KHDRBS2: variants seen among roughly 807,000 people sequenced by gnomAD.
KHDRBS2 encodes the protein KH RNA binding domain containing, signal transduction associated 2, also known as KH domain-containing, RNA-binding, signal transduction-associated protein 2.
In KHDRBS2, 26 loss-of-function variants were observed where a neutral mutation model predicts 44.3. The ratio of observed to expected loss-of-function variants is 0.59; its 90% confidence interval spans 0.43 to 0.81. The LOEUF (loss-of-function observed/expected upper bound fraction) is 0.81, where lower values mean the gene tolerates loss of function less well. Ranked by LOEUF, KHDRBS2 falls within the 40% of genes least tolerant of loss-of-function variation. The probability of loss-of-function intolerance (pLI) is 0.00; values close to 1 mark genes in which losing one functional copy is unlikely to be tolerated. For missense variants in KHDRBS2, 476 were observed against 433.1 expected (o/e 1.10, Z -0.88); for synonymous variants, 194 against 151.1 (o/e 1.28, Z -2.08).
intron 2 of KHDRBS2, among the ~76,000 whole-genome samples, chr6:62,169,213 A>G (rs1393899974): frequency 6.7e-6 from 1 of 148,386 alleles, no homozygotes; most frequent in Non-Finnish European, 1.5e-5. Flanking sequence ...ATATATATGT[A>G]TATATACACA....
chr6:62,268,671 G>A lies in KHDRBS2; in HGVS notation c.91+17187C>T, dbSNP rs1272998280. ...GTCCTTTTTAATGGAAATGTTTAAC[G>A]TGTTAATAGAGGAAAAAATGTTTCC... On this transcript the variant is annotated intron_variant, in intron 1 of 8. Coordinates refer to ENST00000281156, the MANE Select transcript of KHDRBS2 (RefSeq NM_152688.4). Among the ~76,000 whole-genome samples the A allele has an allele frequency of 3.3e-5, 5 of 151,980 alleles. No individual in the cohort carries two copies. The East Asian group carries it at 7.8e-4, about 24-fold the overall frequency.
intron 2 of KHDRBS2, among the ~76,000 whole-genome samples, chr6:62,058,194 T>A (rs1330474116): frequency 6.6e-6 from 1 of 151,880 alleles, no homozygotes; most frequent in African/African-American, 2.4e-5. Context: ...GCACTGAAAC[T>A]GTATCTGCTA....
intron 4 of KHDRBS2, among the ~76,000 whole-genome samples, chr6:61,932,957 A>T (rs1810362258): frequency 2.0e-5 from 3 of 152,142 alleles, no homozygotes; most frequent in African/African-American, 7.2e-5. Context: ...TATAGATCAC[A>T]TTTTTTAACC....
At chr6:62,072,163 A>ATCTT (rs1795280970) in intron 2 of KHDRBS2, among the ~76,000 whole-genome samples, 1 of 152,150 alleles carries the variant, frequency 6.6e-6, no homozygotes, top group African/African-American at 2.4e-5. Context: ...GGTGTATAAG[A>ATCTT]GTGCTTGTGA....
chr6:61,861,027 A>G (rs1796882425), intron 6 of KHDRBS2, among the ~76,000 whole-genome samples: 1 of 152,018 alleles, frequency 6.6e-6, no homozygotes, highest in South Asian at 2.1e-4. Flanking sequence ...TGAGAAGTGC[A>G]TATATTCAGG....
At chr6:61,615,204 G>A in the KHDRBS2 span, among the ~76,000 whole-genome samples, 1 of 130,182 alleles carries the variant, frequency 7.7e-6, no homozygotes, top group African/African-American at 2.9e-5. Flanking sequence ...CTGCACTCCA[G>A]CCTGGGTGAC....
At chr6:61,693,945 A>G (rs796375546) in intron 8 of KHDRBS2, among the ~76,000 whole-genome samples, 4 of 152,278 alleles carry the variant, frequency 2.6e-5, no homozygotes, top group African/African-American at 9.6e-5. Context: ...ATTACGTGGC[A>G]TTGACATTTC....
chr6:61,613,461 C>T, the KHDRBS2 span, among the ~76,000 whole-genome samples: 19 of 152,254 alleles, frequency 1.2e-4, no homozygotes, highest in African/African-American at 4.1e-4. Context: ...CCAGCAGCCC[C>T]GACAGATGAC....
At chr6:62,153,819 T>G (rs1481702136) in intron 2 of KHDRBS2, among the ~76,000 whole-genome samples, 1 of 152,134 alleles carries the variant, frequency 6.6e-6, no homozygotes, top group Non-Finnish European at 1.5e-5. Flanking sequence ...ATTCTTTGGC[T>G]CCCCTCAAAA....
Position 62,286,128 on chromosome 6 carries a change from GC to G in KHDRBS2, c.-181del. ...GCGACTCCCGCCGTCGGGCTGCGTG[GC>G]CCCGCGCCCACACCTGCCCGTCCCT... On this transcript the variant is annotated 5_prime_UTR_variant, in exon 1 of 9. Coordinates refer to ENST00000281156, the MANE Select transcript of KHDRBS2 (RefSeq NM_152688.4). The G allele has an allele frequency of 1.7e-6, 1 of 576,296 alleles. No individual in the cohort carries two copies. Among genetic ancestry groups the G allele is most frequent in the Non-Finnish European group, 3.0e-6 (1 of 329,626 alleles). The allele number at this position is 576,296 out of a possible 1,614,324, so 35.7% of individuals were successfully genotyped here.
At chr6:61,736,414 A>C (rs910578902) in intron 6 of KHDRBS2, among the ~76,000 whole-genome samples, 5 of 151,984 alleles carry the variant, frequency 3.3e-5, no homozygotes, top group Admixed American at 2.6e-4. Flanking sequence ...CTCTATCTTG[A>C]GGATCTGCCT....
At chr6:61,821,788 G>T (rs1789954712) in intron 6 of KHDRBS2, among the ~76,000 whole-genome samples, 1 of 141,124 alleles carries the variant, frequency 7.1e-6, no homozygotes, top group Admixed American at 7.0e-5. Context: ...ACATTGTTAA[G>T]ATTTTTTTTT....
chr6:62,062,538 T>C (rs1433417271), intron 2 of KHDRBS2, among the ~76,000 whole-genome samples: 3 of 151,652 alleles, frequency 2.0e-5, no homozygotes, highest in East Asian at 2.0e-4. Flanking sequence ...ACTGGGTACA[T>C]AACAAAATGA....
At position 61,792,217 on chromosome 6, in the gene KHDRBS2, C is replaced by T. The variant is rs1784726278; in HGVS notation, c.811-59453G>A. Among the ~76,000 whole-genome samples, 3 of 151,590 alleles carry T rather than the reference C, an allele frequency of 2.0e-5. No homozygotes were observed. In the South Asian group the frequency reaches 6.2e-4, roughly 31 times the overall value. ...TTTACAACATTAGAACATTGTAATT[C>T]CATCCACCGCTCCTAACCTTTGATG... On this transcript the variant is annotated intron_variant, in intron 6 of 8. Transcript: ENST00000281156.
At chr6:62,212,085 T>A (rs543781697) in intron 1 of KHDRBS2, among the ~76,000 whole-genome samples, 1 of 152,142 alleles carries the variant, frequency 6.6e-6, no homozygotes, top group African/African-American at 2.4e-5. Flanking sequence ...ATGTTCTTAT[T>A]CATAGGGAAC....
chr6:61,759,964 C>G lies in KHDRBS2; in HGVS notation c.811-27200G>C, dbSNP rs148448723. On this transcript the variant is annotated intron_variant, in intron 6 of 8. Coordinates refer to ENST00000281156, the MANE Select transcript of KHDRBS2 (RefSeq NM_152688.4). ...CTTTGGGCAGGCACTAAATGGAAAA[C>G]TTGATTTACTGTAAACAAATTCAGC... Among the ~76,000 whole-genome samples, 140 of 152,248 alleles carry G rather than the reference C, an allele frequency of 9.2e-4. 1 individual carries two copies. In the East Asian group the frequency reaches 0.023, roughly 25 times the overall value.
At chr6:61,690,855 G>A (rs373352323) in intron 8 of KHDRBS2, among the ~76,000 whole-genome samples, 2 of 151,986 alleles carry the variant, frequency 1.3e-5, no homozygotes. Context: ...GTACAATTTG[G>A]TCTTATTACT....
chr6:61,626,353 G>T, the KHDRBS2 span, among the ~76,000 whole-genome samples: 1 of 152,162 alleles, frequency 6.6e-6, no homozygotes, highest in African/African-American at 2.4e-5. Flanking sequence ...GTCTTCTGTT[G>T]TTTCTTAGCT....
At chr6:61,653,677 C>A in the KHDRBS2 span, among the ~76,000 whole-genome samples, 1 of 151,738 alleles carries the variant, frequency 6.6e-6, no homozygotes, top group Non-Finnish European at 1.5e-5. Context: ...TATGGAGGCA[C>A]AAATTGAGGC....
Sources: allele counts gnomAD v4.1 joint callset (sites outside exome capture counted in the v4.1 genomes callset), GRCh38; gene constraint gnomAD v4.1.1; transcripts MANE v1.5; gene names NCBI Gene and HGNC (gene_info 2026-07-23, HGNC 2026-07-21).